RNF38: variants seen among roughly 807,000 people sequenced by gnomAD.
RNF38 encodes E3 ubiquitin-protein ligase RNF38.
RNF38 carries 15 observed loss-of-function variants against 67.2 expected under a neutral mutation model. The ratio of observed to expected loss-of-function variants is 0.22; its 90% CI spans 0.15 to 0.34. The LOEUF (loss-of-function observed/expected upper bound fraction) is 0.34. RNF38 is among the 10% of genes least tolerant of loss of function. The probability of loss-of-function intolerance (pLI) is 1.00; values close to 1 mark genes in which losing one functional copy is unlikely to be tolerated. For missense variants in RNF38, 524 were observed against 639.9 expected, an observed-to-expected ratio of 0.82 and a Z score of 1.95; for synonymous variants, 220 against 218.8, an observed-to-expected ratio of 1.01 and a Z score of -0.05.
chr9:36,356,420 T>C lies in RNF38; in HGVS notation c.792A>G (p.Pro264=). 6.2e-7 allele frequency: 1 copy of C among 1,613,360 alleles called. No homozygotes were observed. The highest frequency in any genetic ancestry group is 8.5e-7 in the Non-Finnish European group (1 of 1,179,792). Residue 264 remains proline (P), a synonymous_variant, in exon 6 of 12, where the codon CCA becomes CCG. Coordinates refer to ENST00000259605, the MANE Select transcript of RNF38 (RefSeq NM_022781.5). ...QHLPVPYAAF[P]PLISSDPFLI... Reference sequence around the variant, plus strand: ...GAAATGGATCACTAGAAATAAGGGGTGGGAATGCAGCATATGGTACTGGTA... The same window carrying C: ...GAAATGGATCACTAGAAATAAGGGGCGGGAATGCAGCATATGGTACTGGTA...
At chr9:36,455,967 C>T (rs573781391) in intron 1 of RNF38, among the ~76,000 whole-genome samples, 4 of 151,200 alleles carry the variant, frequency 2.6e-5, no homozygotes, top group African/African-American at 9.7e-5. Context: ...CTTTCACAAA[C>T]TGCCATTTAA....
At chr9:36,469,918 G>A (rs1033567781) in intron 1 of RNF38, among the ~76,000 whole-genome samples, 6 of 152,156 alleles carry the variant, frequency 3.9e-5, no homozygotes, top group Non-Finnish European at 8.8e-5. Flanking sequence ...GATCGAGACT[G>A]CAGTGAGCCA....
chr9:36,355,523 A>C (rs1203790442), intron 6 of RNF38, among the ~76,000 whole-genome samples: 1 of 152,204 alleles, frequency 6.6e-6, no homozygotes, highest in Non-Finnish European at 1.5e-5. Context: ...GCCTTCAGAA[A>C]AAGTAACTCA....
At chr9:36,342,852 T>C (rs1205575654) in intron 10 of RNF38, among the ~76,000 whole-genome samples, 8 of 152,202 alleles carry the variant, frequency 5.3e-5, no homozygotes, top group Non-Finnish European at 7.4e-5. Context: ...AGACAATGGT[T>C]TCTTGGAGAT....
chr9:36,466,006 C>T (rs562949182), intron 1 of RNF38, among the ~76,000 whole-genome samples: 2 of 152,212 alleles, frequency 1.3e-5, no homozygotes, highest in African/African-American at 4.8e-5. Flanking sequence ...GAGCCGAGAT[C>T]GGGCCACTGC....
chr9:36,443,300 G>C (rs1395626088), intron 1 of RNF38, among the ~76,000 whole-genome samples: 1 of 152,154 alleles, frequency 6.6e-6, no homozygotes. Context: ...TGCAGGATGA[G>C]AGAAATGTCT....
chr9:36,424,595 C>T (rs1838722516), intron 2 of RNF38: 1 of 978,960 alleles, frequency 1.0e-6, no homozygotes, highest in South Asian at 4.7e-5. Flanking sequence ...CCATGGCAGA[C>T]ATCAACACGA....
In RNF38 at chr9:36,349,384, G is replaced by A. The variant is rs370931491; in HGVS notation, c.1263+1731C>T. Among the ~76,000 whole-genome samples, 113 of 152,206 alleles carry A rather than the reference G, an allele frequency of 7.4e-4. 2 individuals carry two copies. The South Asian group carries it at 0.022, about 30-fold the overall frequency. Reference sequence around the variant, plus strand: ...TTTACATTTCCCTGATTGCAATGTTGAGCACCTTTTCATATACCTGGTTGG... The same window carrying A: ...TTTACATTTCCCTGATTGCAATGTTAAGCACCTTTTCATATACCTGGTTGG... On this transcript the variant is annotated intron_variant, in intron 9 of 11. Transcript: ENST00000259605.
intron 1 of RNF38, among the ~76,000 whole-genome samples, chr9:36,481,173 C>T (rs746608474): frequency 3.3e-5 from 5 of 152,012 alleles, no homozygotes; most frequent in Admixed American, 6.6e-5. Context: ...TGCCACCACG[C>T]CCAGCTAATT....
chr9:36,404,910 G>T (rs900598749), upstream of RNF38, among the ~76,000 whole-genome samples: 2 of 100,894 alleles, frequency 2.0e-5, no homozygotes. Context: ...GGTGTTTGTA[G>T]TTTTGTTTTT....
intron 1 of RNF38, among the ~76,000 whole-genome samples, chr9:36,398,466 G>A (rs1010255500): frequency 1.3e-5 from 2 of 152,184 alleles, no homozygotes; most frequent in South Asian, 2.1e-4. Context: ...AAGAGACTGT[G>A]TACATGACCC....
At chr9:36,485,997 C>T (rs927063106) in intron 1 of RNF38, among the ~76,000 whole-genome samples, 1 of 152,146 alleles carries the variant, frequency 6.6e-6, no homozygotes, top group Non-Finnish European at 1.5e-5. Flanking sequence ...AGCTACCATC[C>T]ACCTCCAACA....
chr9:36,390,044 C>T (rs1049386977), intron 2 of RNF38, among the ~76,000 whole-genome samples: 8 of 152,140 alleles, frequency 5.3e-5, no homozygotes, highest in Admixed American at 5.2e-4. Flanking sequence ...TAAAAGAAGA[C>T]AAGTAACCAT....
intron 1 of RNF38, among the ~76,000 whole-genome samples, chr9:36,473,054 C>T (rs1220748902): frequency 6.6e-6 from 1 of 152,112 alleles, no homozygotes; most frequent in Non-Finnish European, 1.5e-5. Flanking sequence ...ATCACTTGAA[C>T]CCAGGAGGCG....
intron 1 of RNF38, among the ~76,000 whole-genome samples, chr9:36,458,484 A>G (rs764120425): frequency 1.3e-5 from 2 of 152,192 alleles, no homozygotes; most frequent in African/African-American, 2.4e-5. Context: ...ATGAGCTGTA[A>G]CACACACCAC....
intron 4 of RNF38, 52 bp from the exon 5 acceptor site, chr9:36,357,994 AACTATTCAAAATCAACATT>A: frequency 6.7e-7 from 1 of 1,485,524 alleles, no homozygotes; most frequent in Middle Eastern, 1.7e-4. Context: ...ATAAAATGTT[AACTATTCAAAATCAACATT>A]TGGTCATTTA....
At chr9:36,345,092 C>T in intron 9 of RNF38, 139 bp from the exon 10 acceptor site, 1 of 815,898 alleles carries the variant, frequency 1.2e-6, no homozygotes, top group Non-Finnish European at 1.8e-6. Flanking sequence ...TCATTGTGCA[C>T]TGTGGCCTCG....
At chr9:36,433,351 G>A (rs1320267387) in intron 1 of RNF38, among the ~76,000 whole-genome samples, 1 of 151,680 alleles carries the variant, frequency 6.6e-6, no homozygotes, top group African/African-American at 2.4e-5. Context: ...GTGATTATTA[G>A]GCATTGTATG....
rs73648737 is a variant in RNF38 at position 36,345,160 on chromosome 9, T to C, written c.1264-207A>G. ...GCCTTCTGAGTATCTGGAGCTACAA[T>C]TGCGTACCACTGCAGCCCTATTAAA... On this transcript the variant is annotated intron_variant, in intron 9 of 11. Transcript: ENST00000259605. 3.9e-3 allele frequency among the ~76,000 whole-genome samples: 590 copies of C among 152,280 alleles called. 3 individuals are homozygous for C. The highest frequency in any genetic ancestry group is 0.013 in the African/African-American group (547 of 41,548).
Sources: gnomAD v4.1 joint callset for allele counts (sites outside exome capture counted in the v4.1 genomes callset) on GRCh38, gnomAD v4.1.1 for gene constraint, MANE v1.5 for transcripts, NCBI Gene and HGNC (gene_info 2026-07-23, HGNC 2026-07-21) for gene names.